The following OPTC variants were observed in gnomAD, a reference collection of about 807,000 sequenced individuals.
OPTC encodes the protein oculoglycan.
A neutral mutation model predicts 25.4 loss-of-function variants in OPTC; 22 were observed. The ratio of observed to expected loss-of-function variants is 0.87; its 90% CI spans 0.62 to 1.24. OPTC has a LOEUF of 1.24. Among genes scored for constraint, OPTC ranks in the 50% most tolerant of loss-of-function variants. The pLI is 0.00. For missense variants in OPTC, 417 were observed against 425.2 expected (o/e 0.98, Z 0.17); for synonymous variants, 169 against 179.3 (o/e 0.94, Z 0.46).
In OPTC at chr1:203,503,102, C is replaced by T. The variant is rs1398013195; in HGVS notation, c.828+93C>T. On this transcript the variant is annotated intron_variant, in intron 6 of 7. Coordinates refer to ENST00000367222, the MANE Select transcript of OPTC (RefSeq NM_014359.4). ...GGTCGTGGCAGAGAGAGGCATGAGG[C>T]TTAGGCAGCTGTGGGGTCTCCTTGA... is the stretch of plus-strand genomic sequence containing the variant. 10 of 961,688 alleles carry T rather than the reference C, an allele frequency of 1.0e-5. No homozygotes were observed. The Admixed American group carries it at 1.9e-4, about 19-fold the overall frequency. 59.6% of individuals were successfully genotyped at this position (961,688 alleles called of 1,614,324 possible).
intron 7 of OPTC, among the ~76,000 whole-genome samples, chr1:203,505,020 C>T (rs1325760597): frequency 6.6e-6 from 1 of 152,186 alleles, no homozygotes; most frequent in Non-Finnish European, 1.5e-5. Flanking sequence ...AGATGCCACC[C>T]TTCTCCTGAC....
intron 7 of OPTC, among the ~76,000 whole-genome samples, chr1:203,506,919 GC>G (rs1204351572): frequency 6.6e-6 from 1 of 152,234 alleles, no homozygotes; most frequent in African/African-American, 2.4e-5. Flanking sequence ...CTTTCCCCAG[GC>G]CATTGCTGCT....
chr1:203,498,617 GC>G lies in OPTC; in HGVS notation c.371-63del. ...GGCCATGGTTCAGACACTCCCTGGG[GC>G]GAGGGCCATTGGCCCCAGAGGCTAA... is the stretch of plus-strand genomic sequence containing the variant. On this transcript the variant is annotated intron_variant, in intron 3 of 7. Transcript: ENST00000367222. 10 of 1,597,714 alleles carry G rather than the reference GC, an allele frequency of 6.3e-6. No individual in the cohort carries two copies. In the South Asian group the frequency reaches 8.8e-5, roughly 14 times the overall value.
At chr1:203,507,611 G>A (rs1329678686) in intron 7 of OPTC, among the ~76,000 whole-genome samples, 1 of 152,194 alleles carries the variant, frequency 6.6e-6, no homozygotes, top group African/African-American at 2.4e-5. Context: ...CCTTCAGGAG[G>A]GTCTTGCCCT....
At chr1:203,498,931 C>G in intron 4 of OPTC, 92 bp downstream of exon 4, 1 of 1,394,788 alleles carries the variant, frequency 7.2e-7, no homozygotes. Flanking sequence ...TAGTGCCCCC[C>G]GTGTTAGCTC....
chr1:203,503,085 CAG>C, intron 6 of OPTC, 76 bp downstream of exon 6: 1 of 1,151,556 alleles, frequency 8.7e-7, no homozygotes. Flanking sequence ...CAGGTCGTGG[CAG>C]AGAGAGGCAT....
intron 7 of OPTC, among the ~76,000 whole-genome samples, chr1:203,505,962 G>GTA (rs1661476554): frequency 6.6e-6 from 1 of 151,470 alleles, no homozygotes; most frequent in African/African-American, 2.4e-5. Context: ...GTGTGTGTGT[G>GTA]TGTGTGTGTT....
chr1:203,505,170 G>A (rs1455027839), intron 7 of OPTC, among the ~76,000 whole-genome samples: 2 of 152,200 alleles, frequency 1.3e-5, no homozygotes, highest in African/African-American at 2.4e-5. Context: ...CCACTGCTAC[G>A]TGGTGATAAG....
At chr1:203,500,419 T>A in intron 5 of OPTC, among the ~76,000 whole-genome samples, 1 of 106,900 alleles carries the variant, frequency 9.4e-6, no homozygotes, top group African/African-American at 3.6e-5. Context: ...CCGCCTCCAC[T>A]GCCACCACCA....
chr1:203,497,628 A>G (rs1172258163), intron 3 of OPTC, among the ~76,000 whole-genome samples: 4 of 152,112 alleles, frequency 2.6e-5, no homozygotes, highest in Non-Finnish European at 4.4e-5. Flanking sequence ...GGCCTCAGCA[A>G]TCTGCTGGAA....
Position 203,503,679 on chromosome 1 carries a change from T to C in OPTC, c.958T>C (p.Tyr320His). The C allele has an allele frequency of 6.2e-7, 1 of 1,612,042 alleles. No individual in the cohort carries two copies. The highest frequency in any genetic ancestry group is 1.3e-5 in the African/African-American group (1 of 75,030). Residue 320 changes from tyrosine to histidine, a missense_variant, in exon 7 of 8, where the codon TAC becomes CAC. Coordinates refer to ENST00000367222, the MANE Select transcript of OPTC (RefSeq NM_014359.4). ...PINLSLFPSA[Y>H]FCLPRLPIGR... Reference sequence around the variant, plus strand: ...CAACCTCAGCCTCTTCCCCAGCGCCTACTTCTGCCTGCCTCGGCTCCCCAT... The same window carrying C: ...CAACCTCAGCCTCTTCCCCAGCGCCCACTTCTGCCTGCCTCGGCTCCCCAT...
At position 203,499,792 on chromosome 1, in the gene OPTC, T is replaced by G; in HGVS notation, c.673T>G (p.Phe225Val). ...ALPVLPSGIE[F>V]LDVRLNRLQS... ...GCCCGTGCTGCCCAGTGGCATTGAGTTCCTGGATGTCCGCCTAAATCGGCT... is the reference window on the plus strand; with the variant it reads ...GCCCGTGCTGCCCAGTGGCATTGAGGTCCTGGATGTCCGCCTAAATCGGCT... Residue 225 changes from phenylalanine to valine, a missense_variant, in exon 5 of 8, where the codon TTC becomes GTC. By Grantham distance (50) the Phe-to-Val change is conservative. Coordinates refer to ENST00000367222, the MANE Select transcript of OPTC (RefSeq NM_014359.4). 1 of 1,612,542 alleles carries G rather than the reference T, an allele frequency of 6.2e-7. No individual in the cohort carries two copies. Among genetic ancestry groups the G allele is most frequent in the Non-Finnish European group, 8.5e-7 (1 of 1,179,820 alleles).
Position 203,497,076 on chromosome 1 carries a change from A to G in OPTC, c.331A>G (p.Thr111Ala). 6.2e-7 allele frequency: 1 copy of G among 1,614,000 alleles called. No individual in the cohort carries two copies. The highest frequency in any genetic ancestry group is 8.5e-7 in the Non-Finnish European group (1 of 1,179,984). The change falls in exon 3 of 8, where the codon ACT (threonine) becomes GCT (alanine). Residue 111 changes from threonine (T) to alanine (A), a missense_variant. Coordinates refer to ENST00000367222, the MANE Select transcript of OPTC (RefSeq NM_014359.4). ...PSSNPTMTRP[T>A]TAGLLLSSQP... The stretch of plus-strand genomic sequence containing the variant: ...GTCAAACCCCACGATGACCAGACCT[A>G]CTACAGCAGGGCTGCTACTGAGTTC...
At chr1:203,500,490 T>C (rs1470158089) in intron 5 of OPTC, among the ~76,000 whole-genome samples, 1 of 143,686 alleles carries the variant, frequency 7.0e-6, no homozygotes, top group East Asian at 2.1e-4. Context: ...ACTACCCACC[T>C]GTACCACCCA....
chr1:203,499,108 G>C (rs1661326848), intron 4 of OPTC, among the ~76,000 whole-genome samples: 1 of 152,202 alleles, frequency 6.6e-6, no homozygotes. Context: ...AGCATCTTCA[G>C]GATGTCCCAG....
chr1:203,500,410 C>T (rs1014609521), intron 5 of OPTC, among the ~76,000 whole-genome samples: 9 of 135,468 alleles, frequency 6.6e-5, no homozygotes, highest in African/African-American at 1.1e-4. Context: ...CACCATCACC[C>T]GCCTCCACTG....
chr1:203,503,030 C>A (rs745456946), intron 6 of OPTC, 21 bp downstream of exon 6: 9 of 1,581,132 alleles, frequency 5.7e-6, no homozygotes, highest in Admixed American at 1.7e-5. Context: ...CCACCCAGAG[C>A]AAGGGTGATA....
Position 203,503,678 on chromosome 1 carries a change from C to T in OPTC, c.957C>T (p.Ala319=), listed in dbSNP as rs1245316036. 6.2e-7 allele frequency: 1 copy of T among 1,612,116 alleles called. No individual in the cohort carries two copies. Among genetic ancestry groups the T allele is most frequent in the Non-Finnish European group, 8.5e-7 (1 of 1,180,026 alleles). ...TCAACCTCAGCCTCTTCCCCAGCGC[C>T]TACTTCTGCCTGCCTCGGCTCCCCA... The part of the protein sequence containing the change: ...NPINLSLFPS[A]YFCLPRLPIG... The change falls in exon 7 of 8, where the codon GCC becomes GCT. Residue 319 remains alanine, a synonymous_variant. Coordinates refer to ENST00000367222, the MANE Select transcript of OPTC (RefSeq NM_014359.4).
chr1:203,504,851 C>T (rs149823266), intron 7 of OPTC, among the ~76,000 whole-genome samples: 189 of 152,338 alleles, frequency 1.2e-3, no homozygotes, highest in African/African-American at 4.1e-3. Context: ...ACATGTTCGA[C>T]CACCAGAGGG....
Sources: gnomAD v4.1 joint callset for allele counts (sites outside exome capture counted in the v4.1 genomes callset) on GRCh38, gnomAD v4.1.1 for gene constraint, MANE v1.5 for transcripts, NCBI Gene and HGNC (gene_info 2026-07-23, HGNC 2026-07-21) for gene names.